Variants in SHCBP1L observed in about 807,000 individuals in gnomAD.
The protein encoded by SHCBP1L is testicular spindle-associated protein SHCBP1L.
A neutral mutation model predicts 62.5 loss-of-function variants in SHCBP1L; 67 were observed. The ratio of observed to expected loss-of-function variants is 1.07; its 90% confidence interval spans 0.88 to 1.31. The LOEUF is 1.31. Among genes scored for constraint, SHCBP1L ranks in the 40% most tolerant of loss-of-function variants. The probability of loss-of-function intolerance (pLI) is 0.00; values close to 1 mark genes in which losing one functional copy is unlikely to be tolerated. For missense variants in SHCBP1L, 823 were observed against 809.8 expected (o/e 1.02, Z -0.20); for synonymous variants, 284 against 289.4 (o/e 0.98, Z 0.19).
At chr1:182,945,918 G>A (rs1218793867) in intron 2 of SHCBP1L, among the ~76,000 whole-genome samples, 4 of 151,994 alleles carry the variant, frequency 2.6e-5, no homozygotes, top group South Asian at 2.1e-4. Context: ...AAATTAGCTG[G>A]GTATGGTGGC....
chr1:182,951,269 T>C, intron 2 of SHCBP1L, 49 bp downstream of exon 2: 4 of 1,385,936 alleles, frequency 2.9e-6, no homozygotes, highest in Non-Finnish European at 3.9e-6. Context: ...ATTTTAGTCT[T>C]TAAAAGAACT....
chr1:182,904,251 C>A lies in SHCBP1L; in HGVS notation c.1516G>T (p.Glu506Ter). 3 of 1,614,142 alleles carry A rather than the reference C, an allele frequency of 1.9e-6. No individual in the cohort carries two copies. Among genetic ancestry groups the A allele is most frequent in the Non-Finnish European group, 2.5e-6 (3 of 1,180,026 alleles). ...GTAAGAACACACACTCCTGTTCCTT[C>A]ACATTTTAATATGCAGTTTTCTAGA... ...MTLENCILKC[E>*]GTGVCVLTGA... is the part of the protein sequence containing the mutation. Residue 506 changes from glutamate to a stop codon, truncating the protein, a stop_gained, in exon 8 of 10, where the codon GAA (glutamate) becomes TAA (stop). Transcript: ENST00000367547. LOFTEE classifies it high-confidence loss of function.
At chr1:182,900,995 A>G (rs1649816767) in intron 9 of SHCBP1L, among the ~76,000 whole-genome samples, 1 of 152,204 alleles carries the variant, frequency 6.6e-6, no homozygotes. Context: ...GATCTCTTAT[A>G]ACATAATAAA....
chr1:182,917,257 G>C (rs766383801), intron 6 of SHCBP1L, among the ~76,000 whole-genome samples: 19 of 152,090 alleles, frequency 1.2e-4, no homozygotes, highest in Non-Finnish European at 2.6e-4. Flanking sequence ...TATTTAAAAG[G>C]TTATACATGA....
At chr1:182,936,759 A>G (rs796249072) in intron 5 of SHCBP1L, among the ~76,000 whole-genome samples, 2 of 152,168 alleles carry the variant, frequency 1.3e-5, no homozygotes, top group South Asian at 4.1e-4. Context: ...CAACAATAAG[A>G]AAAATAGAGG....
chr1:182,933,125 C>G (rs776365419), intron 5 of SHCBP1L, among the ~76,000 whole-genome samples: 2 of 151,404 alleles, frequency 1.3e-5, no homozygotes, highest in Non-Finnish European at 2.9e-5. Flanking sequence ...AGGCTGGTCT[C>G]GAACTCCTGA....
chr1:182,926,588 A>C (rs769286471), intron 6 of SHCBP1L, among the ~76,000 whole-genome samples: 3 of 152,210 alleles, frequency 2.0e-5, no homozygotes, highest in Non-Finnish European at 2.9e-5. Flanking sequence ...AATCTCATAG[A>C]AATATTAAGA....
At chr1:182,941,589 T>C (rs1255725659) in intron 2 of SHCBP1L, among the ~76,000 whole-genome samples, 1 of 152,082 alleles carries the variant, frequency 6.6e-6, no homozygotes, top group Admixed American at 6.5e-5. Flanking sequence ...CACAGCACAA[T>C]AACAAAGTTA....
At chr1:182,924,705 A>AAAGGAAAGGAAAGGAAAGGAAGGG (rs1571345911) in intron 6 of SHCBP1L, among the ~76,000 whole-genome samples, 12 of 31,392 alleles carry the variant, frequency 3.8e-4, no homozygotes, top group African/African-American at 1.6e-3. Context: ...GGAAAGGAAG[A>AAAGGAAAGGAAAGGAAAGGAAGGG]AAGAAAGAAA....
chr1:182,926,141 T>A (rs1033083708), intron 6 of SHCBP1L, among the ~76,000 whole-genome samples: 4 of 152,238 alleles, frequency 2.6e-5, no homozygotes, highest in African/African-American at 9.6e-5. Context: ...CCCTACTAAA[T>A]GTCAATGAAT....
At chr1:182,933,748 T>A (rs1395376930) in intron 5 of SHCBP1L, among the ~76,000 whole-genome samples, 1 of 152,180 alleles carries the variant, frequency 6.6e-6, no homozygotes, top group East Asian at 1.9e-4. Flanking sequence ...TAGTATTTTG[T>A]TGAGGATTTT....
chr1:182,950,464 A>G (rs1224812710), intron 2 of SHCBP1L: 1 of 151,934 alleles, frequency 6.6e-6, no homozygotes, highest in African/African-American at 2.4e-5. Context: ...CTTCTCTGCT[A>G]AAGATCACAA....
chr1:182,946,443 T>C lies in SHCBP1L; in HGVS notation c.555+4875A>G, dbSNP rs1360329107. Among the ~76,000 whole-genome samples the C allele has an allele frequency of 2.6e-5, 4 of 152,044 alleles. No homozygotes were observed. The East Asian group carries it at 7.7e-4, about 29-fold the overall frequency. On this transcript the variant is annotated intron_variant, in intron 2 of 9. Transcript: ENST00000367547. Reference sequence around the variant, plus strand: ...TTAGCATATGATCATACAAAAATATTTCAAATCTCATTCCTGGAGTGATAT... The same window carrying C: ...TTAGCATATGATCATACAAAAATATCTCAAATCTCATTCCTGGAGTGATAT...
chr1:182,904,534 C>CGTGTGTGT lies in SHCBP1L; in HGVS notation c.1337-112_1337-105dup, dbSNP rs61031217. The CGTGTGTGT allele has an allele frequency of 1.8e-3, 1,109 of 599,736 alleles. 10 individuals are homozygous for CGTGTGTGT. The highest frequency in any genetic ancestry group is 7.3e-3 in the South Asian group (342 of 46,936). 37.2% of individuals were successfully genotyped at this position (599,736 alleles called of 1,614,324 possible). ...TGTTACTAAAGTTTTTCCCTGTGTG[C>CGTGTGTGT]GTGTGTGTGTGTGTGTGTGTGTGTG... On this transcript the variant is annotated intron_variant, in intron 7 of 9. Coordinates refer to ENST00000367547, the MANE Select transcript of SHCBP1L (RefSeq NM_030933.4).
At chr1:182,907,495 T>C (rs754344241) in intron 6 of SHCBP1L, among the ~76,000 whole-genome samples, 22 of 151,260 alleles carry the variant, frequency 1.5e-4, no homozygotes, top group Admixed American at 2.6e-4. Flanking sequence ...AAATATATTC[T>C]GAAAAAATGC....
At chr1:182,924,459 G>C (rs748290143) in intron 6 of SHCBP1L, among the ~76,000 whole-genome samples, 2 of 151,476 alleles carry the variant, frequency 1.3e-5, no homozygotes, top group East Asian at 3.9e-4. Context: ...TACAATGCCC[G>C]GCTAATTTTT....
chr1:182,916,345 A>G (rs918672922), intron 6 of SHCBP1L, among the ~76,000 whole-genome samples: 31 of 152,084 alleles, frequency 2.0e-4, no homozygotes, highest in African/African-American at 7.5e-4. Flanking sequence ...CCCAAAGCCA[A>G]CAGTAAAAGG....
chr1:182,931,943 ATTTTTTT>A (rs1164377476), intron 5 of SHCBP1L, among the ~76,000 whole-genome samples: 2,362 of 69,614 alleles, frequency 0.034, 65 homozygotes, highest in African/African-American at 0.1. Context: ...GGAACCACTG[ATTTTTTT>A]TTTTTTTTTT....
At chr1:182,942,427 CGGG>C in intron 2 of SHCBP1L, 1 of 694,744 alleles carries the variant, frequency 1.4e-6, no homozygotes, top group Non-Finnish European at 2.7e-6. Context: ...GGGCGCGTGC[CGGG>C]TGCCTGCGGG....
Sources: allele counts gnomAD v4.1 joint callset (sites outside exome capture counted in the v4.1 genomes callset), GRCh38; gene constraint gnomAD v4.1.1; transcripts MANE v1.5; gene names NCBI Gene and HGNC (gene_info 2026-07-23, HGNC 2026-07-21).